The following DENND2B variants were observed in gnomAD, a reference collection of about 807,000 sequenced individuals.
DENND2B encodes DENN domain-containing protein 2B.
A neutral mutation model predicts 116.0 loss-of-function variants in DENND2B; 32 were observed. The ratio of observed to expected loss-of-function variants is 0.28; its 90% CI spans 0.21 to 0.37. DENND2B has a LOEUF of 0.37. DENND2B is among the 10% of genes least tolerant of loss of function. The pLI, the probability that DENND2B is intolerant of heterozygous loss-of-function variation, is 1.00. For synonymous variants in DENND2B, 588 were observed against 583.9 expected, an observed-to-expected ratio of 1.01 and a Z score of -0.10; for missense variants, 1,276 against 1,477.7, an observed-to-expected ratio of 0.86 and a Z score of 2.24.
At chr11:8,816,372 C>G (rs1465093440) in intron 4 of DENND2B, among the ~76,000 whole-genome samples, 6 of 152,032 alleles carry the variant, frequency 3.9e-5, no homozygotes, top group African/African-American at 1.4e-4. Context: ...ATAAGGAAAC[C>G]CTATCTTTAC....
intron 13 of DENND2B, among the ~76,000 whole-genome samples, chr11:8,703,964 C>T (rs2042154324): frequency 6.6e-6 from 1 of 152,200 alleles, no homozygotes; most frequent in East Asian, 1.9e-4. Context: ...GCCCTGTCCC[C>T]GCCCCAAAAT....
intron 1 of DENND2B, among the ~76,000 whole-genome samples, chr11:8,897,876 C>G (rs983423441): frequency 3.3e-5 from 5 of 152,124 alleles, no homozygotes; most frequent in African/African-American, 1.2e-4. Flanking sequence ...ACCTTGAACT[C>G]CTAGGCTCCA....
At chr11:8,717,936 GA>G (rs771569982) in intron 4 of DENND2B, 44 bp from the exon 5 acceptor site, 2 of 1,590,422 alleles carry the variant, frequency 1.3e-6, no homozygotes, top group East Asian at 2.3e-5. Flanking sequence ...AGGGAAGAAG[GA>G]AACACACGAA....
intron 1 of DENND2B, among the ~76,000 whole-genome samples, chr11:8,771,357 T>C (rs1015944538): frequency 2.6e-5 from 4 of 152,060 alleles, no homozygotes; most frequent in African/African-American, 9.7e-5. Context: ...GTATGGGGTA[T>C]ACAATCTCAC....
intron 2 of DENND2B, among the ~76,000 whole-genome samples, chr11:8,735,122 G>C (rs926630782): frequency 1.3e-5 from 2 of 152,032 alleles, no homozygotes; most frequent in African/African-American, 4.8e-5. Flanking sequence ...TCGGTGATTT[G>C]CTTTGAGTAT....
At chr11:8,719,444 A>G (rs768287435) in intron 4 of DENND2B, among the ~76,000 whole-genome samples, 15 of 152,176 alleles carry the variant, frequency 9.9e-5, no homozygotes, top group Non-Finnish European at 2.1e-4. Flanking sequence ...GGACTGGATT[A>G]AGTGATTCCC....
intron 1 of DENND2B, among the ~76,000 whole-genome samples, chr11:8,885,743 T>C (rs1256447182): frequency 6.6e-6 from 1 of 152,210 alleles, no homozygotes; most frequent in African/African-American, 2.4e-5. Flanking sequence ...AAAAATATTA[T>C]AATTGAATCA....
chr11:8,709,847 T>C (rs2043280628), intron 11 of DENND2B, among the ~76,000 whole-genome samples: 1 of 152,218 alleles, frequency 6.6e-6, no homozygotes, highest in South Asian at 2.1e-4. Flanking sequence ...ACAACATTTA[T>C]TCCCTCTTAT....
At chr11:8,753,309 A>G (rs530486691) in intron 1 of DENND2B, among the ~76,000 whole-genome samples, 2 of 152,372 alleles carry the variant, frequency 1.3e-5, no homozygotes, top group South Asian at 4.1e-4. Context: ...TTAAGAAAAT[A>G]ATTCTATTAA....
At chr11:8,766,672 C>G in intron 1 of DENND2B, 1 of 1,289,030 alleles carries the variant, frequency 7.8e-7, no homozygotes, top group South Asian at 1.2e-5. Flanking sequence ...GCCAGCTATG[C>G]GCCCCACCTC....
chr11:8,698,885 G>A, intron 16 of DENND2B, 48 bp downstream of exon 16: 2 of 1,607,968 alleles, frequency 1.2e-6, no homozygotes, highest in Non-Finnish European at 1.7e-6. Flanking sequence ...GTGTGTGATG[G>A]TGCAGGGTGC....
rs549396310 is a variant in DENND2B at position 8,714,876 on chromosome 11, C to G, written c.1846-170G>C. On this transcript the variant is annotated intron_variant, in intron 6 of 19. Coordinates refer to ENST00000313726, the MANE Select transcript of DENND2B (RefSeq NM_213618.2). The stretch of plus-strand genomic sequence containing the variant: ...GAACCGACCTCAAGTGGTGACTCAC[C>G]AGCCATGCATGGTAGCTCTCCATAT... 6.7e-6 allele frequency: 4 copies of G among 597,122 alleles called. No individual in the cohort carries two copies. In the Admixed American group the frequency reaches 1.2e-4, roughly 17 times the overall value. 37.0% of individuals were successfully genotyped at this position (597,122 alleles called of 1,614,324 possible).
chr11:8,729,645 G>C (rs2047745153), intron 3 of DENND2B, among the ~76,000 whole-genome samples: 1 of 152,188 alleles, frequency 6.6e-6, no homozygotes, highest in Non-Finnish European at 1.5e-5. Context: ...AGAAGACTGA[G>C]GAAGCTACAA....
intron 1 of DENND2B, among the ~76,000 whole-genome samples, chr11:8,758,683 G>A (rs1180469448): frequency 6.6e-6 from 1 of 152,180 alleles, no homozygotes; most frequent in African/African-American, 2.4e-5. Context: ...ATCACTGTGT[G>A]CACTCCTATA....
intron 1 of DENND2B, among the ~76,000 whole-genome samples, chr11:8,885,222 A>C (rs1432454258): frequency 6.6e-6 from 1 of 152,238 alleles, no homozygotes; most frequent in Non-Finnish European, 1.5e-5. Context: ...CCTGATCACA[A>C]ACTAAATTAT....
intron 2 of DENND2B, among the ~76,000 whole-genome samples, chr11:8,877,994 A>G (rs368144660): frequency 1.2e-4 from 19 of 152,370 alleles, no homozygotes; most frequent in African/African-American, 4.3e-4. Flanking sequence ...TTGCAGAACT[A>G]GTAGAGATTC....
At position 8,707,227 on chromosome 11, in the gene DENND2B, T is replaced by C; in HGVS notation, c.2431-2A>G. On this transcript the variant is annotated splice_acceptor_variant, in intron 12 of 19. Coordinates refer to ENST00000313726, the MANE Select transcript of DENND2B (RefSeq NM_213618.2). LOFTEE classifies it high-confidence loss of function. This position sits in a 1 kb window ranked among gnomAD's most constrained non-coding sequence, Gnocchi z 4.8. ...CCGGCGCTCCACCTCATCTAGGACC[T>C]GTGCCCACCGCCAGCAGCCCAAAGA... 6.2e-7 allele frequency: 1 copy of C among 1,608,198 alleles called. No individual in the cohort carries two copies. Among genetic ancestry groups the C allele is most frequent in the Non-Finnish European group, 8.5e-7 (1 of 1,176,112 alleles).
chr11:8,743,020 C>T (rs138411205), intron 2 of DENND2B, among the ~76,000 whole-genome samples: 4 of 151,876 alleles, frequency 2.6e-5, no homozygotes, highest in East Asian at 2.0e-4. Context: ...GATGAGATCG[C>T]GCCATTGCGC....
At chr11:8,868,976 G>T (rs1413769765) in intron 2 of DENND2B, among the ~76,000 whole-genome samples, 2 of 152,184 alleles carry the variant, frequency 1.3e-5, no homozygotes, top group African/African-American at 2.4e-5. Flanking sequence ...AAAATATTAT[G>T]ATTTTTTATG....
Sources: allele counts gnomAD v4.1 joint callset (sites outside exome capture counted in the v4.1 genomes callset), GRCh38; gene constraint gnomAD v4.1.1; non-coding constraint Gnocchi (gnomAD v3.1); transcripts MANE v1.5; gene names NCBI Gene and HGNC (gene_info 2026-07-23, HGNC 2026-07-21).